CBY2: variants seen among roughly 807,000 people sequenced by gnomAD.
CBY2 encodes the protein protein chibby homolog 2.
Under a neutral mutation model 25.3 loss-of-function variants are expected in CBY2, and 23 were observed. The ratio of observed to expected loss-of-function variants is 0.91; its 90% CI spans 0.65 to 1.29. The LOEUF (loss-of-function observed/expected upper bound fraction) is 1.29. Among genes scored for constraint, CBY2 ranks in the 50% most tolerant of loss-of-function variants. The probability of loss-of-function intolerance (pLI) is 0.00; values close to 1 mark genes in which losing one functional copy is unlikely to be tolerated. For synonymous variants in CBY2, 279 were observed against 260.2 expected (o/e 1.07, Z -0.70); for missense variants, 642 against 590.7 (o/e 1.09, Z -0.90).
chr13:45,712,767 C>T (rs1795246061), intron 2 of CBY2, among the ~76,000 whole-genome samples: 1 of 152,102 alleles, frequency 6.6e-6, no homozygotes, highest in Admixed American at 6.6e-5. Context: ...TATGCTGTGC[C>T]ACATGGAGAA....
chr13:45,713,945 G>A lies in CBY2; in HGVS notation c.920G>A (p.Arg307His), dbSNP rs765472548. The A allele has an allele frequency of 2.6e-6, 4 of 1,532,540 alleles. No individual in the cohort carries two copies. The highest frequency in any genetic ancestry group is 2.0e-5 in the Admixed American group (1 of 49,186). 94.9% of individuals were successfully genotyped at this position (1,532,540 alleles called of 1,614,324 possible). A position where few individuals can be genotyped will look rare whatever the true frequency, so the allele number is the denominator to read the frequency against. The change falls in exon 3 of 3, where the codon CGC (arginine) becomes CAC (histidine). Residue 307 changes from arginine to histidine, a missense_variant. By Grantham distance (29) the Arg-to-His change is conservative. Transcript: ENST00000310521. The surrounding 1 kb of genome is among the most constrained non-coding windows in gnomAD (Gnocchi z 5.0). ...GACCAGGGCTCCGGCCTCTCCTCCC[G>A]CTTCGAGGAGCCCAAAGGGCCTCCG... is the stretch of plus-strand genomic sequence containing the variant. Reference protein sequence around the residue: ...LQDQGSGLSSRFEEPKGPPAR... With the variant: ...LQDQGSGLSSHFEEPKGPPAR...
chr13:45,713,527 C>T lies in CBY2; in HGVS notation c.502C>T (p.Leu168=). 6.2e-7 allele frequency: 1 copy of T among 1,614,206 alleles called. No homozygotes were observed. The highest frequency in any genetic ancestry group is 8.5e-7 in the Non-Finnish European group (1 of 1,180,024). Residue 168 remains leucine (L), a synonymous_variant, in exon 3 of 3, where the codon CTG becomes TTG. Transcript: ENST00000310521. This position sits in a 1 kb window ranked among gnomAD's most constrained non-coding sequence, Gnocchi z 5.0. The part of the protein sequence containing the change: ...HHKRLAKECM[L]QEENKSLREE... ...CAAGAGGCTGGCCAAGGAGTGCATG[C>T]TGCAGGAGGAGAACAAGTCTCTGCG...
At position 45,702,815 on chromosome 13, in the gene CBY2, C is replaced by A. The variant is rs373859173; in HGVS notation, c.116C>A (p.Ser39Tyr). 20 of 1,614,024 alleles carry A rather than the reference C, an allele frequency of 1.2e-5. No individual in the cohort carries two copies. In the African/African-American group the frequency reaches 2.3e-4, roughly 18 times the overall value. ...PNYTRKRDTR[S>Y]ESLEIPISVV... ...TATACAAGAAAAAGAGATACCAGAT[C>A]TGAAAGCCTAGAAATTCCAATCAGT... Residue 39 changes from serine to tyrosine, a missense_variant, in exon 2 of 3, where the codon TCT (serine) becomes TAT (tyrosine). Transcript: ENST00000310521.
In CBY2 at chr13:45,703,119, T is replaced by C. The variant is rs929003642; in HGVS notation, c.156+264T>C. The C allele has an allele frequency of 5.4e-6, 7 of 1,296,084 alleles. No individual in the cohort carries two copies. The East Asian group carries it at 1.3e-4, about 23-fold the overall frequency. The allele number at this position is 1,296,084 out of a possible 1,614,324, so 80.3% of individuals were successfully genotyped here. ...CCAGTCCTAACATTCCAAGTTTCTATGATACACTGAAGTAACCCAGCCTTC... is the reference window on the plus strand; with the variant it reads ...CCAGTCCTAACATTCCAAGTTTCTACGATACACTGAAGTAACCCAGCCTTC... On this transcript the variant is annotated intron_variant, in intron 2 of 2. Coordinates refer to ENST00000310521, the MANE Select transcript of CBY2 (RefSeq NM_152719.3).
At chr13:45,710,645 A>G (rs1236716174) in intron 2 of CBY2, among the ~76,000 whole-genome samples, 1 of 152,222 alleles carries the variant, frequency 6.6e-6, no homozygotes, top group Non-Finnish European at 1.5e-5. Flanking sequence ...AAAATGGTCT[A>G]GGTTATCCAC....
rs763333607 is a variant in CBY2 at position 45,714,200 on chromosome 13, GCT to G, written c.1176_1177del (p.Phe393ProfsTer22). ...CAGGTGCTACGGGCAGAGCACAGGG[GCT>G]TCCAGGAGGAGAACAAGGCCCTGTG... On this transcript the variant is annotated frameshift_variant, in exon 3 of 3. Transcript: ENST00000310521. LOFTEE classifies it high-confidence loss of function. 7.8e-5 allele frequency: 125 copies of G among 1,612,006 alleles called. No homozygotes were observed. In the African/African-American group the frequency reaches 1.5e-3, roughly 20 times the overall value.
chr13:45,711,930 A>C (rs963461068), intron 2 of CBY2, among the ~76,000 whole-genome samples: 8 of 151,978 alleles, frequency 5.3e-5, no homozygotes, highest in Non-Finnish European at 1.2e-4. Flanking sequence ...TATTAGTTAG[A>C]CTCTGCTTTG....
Position 45,714,399 on chromosome 13 carries a change from A to G in CBY2, c.*27A>G. ...GCCTCGGCCTTGCACCGGGACGCCG[A>G]GTTTGGGACACCGAACACTGGGCAA... On this transcript the variant is annotated 3_prime_UTR_variant, in exon 3 of 3. Coordinates refer to ENST00000310521, the MANE Select transcript of CBY2 (RefSeq NM_152719.3). 6.5e-7 allele frequency: 1 copy of G among 1,529,064 alleles called. No homozygotes were observed. The highest frequency in any genetic ancestry group is 1.3e-5 in the South Asian group (1 of 79,868). 94.7% of individuals were successfully genotyped at this position (1,529,064 alleles called of 1,614,324 possible).
At chr13:45,705,295 G>A (rs1010494042) in intron 2 of CBY2, among the ~76,000 whole-genome samples, 22 of 152,178 alleles carry the variant, frequency 1.4e-4, no homozygotes, top group African/African-American at 3.6e-4. Context: ...AGACTTTCGC[G>A]TTTCCCCAAT....
At position 45,713,426 on chromosome 13, in the gene CBY2, G is replaced by T. The variant is rs754097956; in HGVS notation, c.401G>T (p.Arg134Leu). 6 of 1,614,090 alleles carry T rather than the reference G, an allele frequency of 3.7e-6. No individual in the cohort carries two copies. Among genetic ancestry groups the T allele is most frequent in the Non-Finnish European group, 5.1e-6 (6 of 1,180,046 alleles). The change falls in exon 3 of 3, where the codon CGC becomes CTC. Residue 134 changes from arginine to leucine, a missense_variant. Physicochemically the swap from Arg to Leu is moderately radical, Grantham distance 102. Transcript: ENST00000310521. The surrounding 1 kb of genome is among the most constrained non-coding windows in gnomAD (Gnocchi z 5.0). ...GAGATGTTCGTGTTCCAGGACGGGC[G>T]CTGGGTAAATGAGAACTGCCGCCTG... ...SDEMFVFQDG[R>L]WVNENCRLQS...
chr13:45,714,252 G>C lies in CBY2; in HGVS notation c.1227G>C (p.Gln409His), dbSNP rs981911649. 3 of 1,613,046 alleles carry C rather than the reference G, an allele frequency of 1.9e-6. No individual in the cohort carries two copies. In the African/African-American group the frequency reaches 4.0e-5, roughly 22 times the overall value. ...ALWENNKLKL[Q>H]QKLVIDTVTE... The stretch of plus-strand genomic sequence containing the variant: ...GGGAGAACAACAAGCTGAAGCTGCA[G>C]CAGAAGCTGGTCATTGACACCGTGA... Residue 409 changes from glutamine (Q) to histidine (H), a missense_variant, in exon 3 of 3, where the codon CAG becomes CAC. Transcript: ENST00000310521.
intron 2 of CBY2, among the ~76,000 whole-genome samples, chr13:45,710,253 G>A (rs1178868772): frequency 2.0e-5 from 3 of 152,080 alleles, no homozygotes; most frequent in Non-Finnish European, 4.4e-5. Context: ...TGCCAGGCAC[G>A]GTGGCTCATG....
chr13:45,711,450 G>A (rs537408758), intron 2 of CBY2, among the ~76,000 whole-genome samples: 2 of 152,250 alleles, frequency 1.3e-5, no homozygotes, highest in East Asian at 3.9e-4. Context: ...GTCTCAAAGA[G>A]GATAAGAGAG....
At chr13:45,710,419 A>G (rs549418184) in intron 2 of CBY2, among the ~76,000 whole-genome samples, 1 of 152,290 alleles carries the variant, frequency 6.6e-6, no homozygotes, top group South Asian at 2.1e-4. Context: ...GCTACTCTGG[A>G]GGCTGAGGCA....
Position 45,713,487 on chromosome 13 carries a change from C to T in CBY2, c.462C>T (p.His154=), listed in dbSNP as rs560966157. Reference sequence around the variant, plus strand: ...ACTTCTCCCCATCCGCCTCCTTCCACCACAAGCTGCACCACAAGAGGCTGG... The same window carrying T: ...ACTTCTCCCCATCCGCCTCCTTCCATCACAAGCTGCACCACAAGAGGCTGG... ...SPYFSPSASF[H]HKLHHKRLAK... is the part of the protein sequence containing the mutation. Residue 154 remains histidine, a synonymous_variant, in exon 3 of 3, where the codon CAC becomes CAT. Transcript: ENST00000310521. This position sits in a 1 kb window ranked among gnomAD's most constrained non-coding sequence, Gnocchi z 5.0. 6.2e-7 allele frequency: 1 copy of T among 1,614,216 alleles called. No individual in the cohort carries two copies. Among genetic ancestry groups the T allele is most frequent in the East Asian group, 2.2e-5 (1 of 44,878 alleles).
chr13:45,707,864 C>T (rs970631302), intron 2 of CBY2, among the ~76,000 whole-genome samples: 2 of 152,194 alleles, frequency 1.3e-5, no homozygotes, highest in African/African-American at 4.8e-5. Context: ...TAAGATATTA[C>T]ATATGAATAC....
Position 45,714,075 on chromosome 13 carries a change from C to A in CBY2, c.1050C>A (p.Pro350=), listed in dbSNP as rs558946400. The A allele has an allele frequency of 6.6e-7, 1 of 1,525,472 alleles. No homozygotes were observed. The highest frequency in any genetic ancestry group is 1.3e-5 in the South Asian group (1 of 79,686). The allele number at this position is 1,525,472 out of a possible 1,614,324, so 94.5% of individuals were successfully genotyped here. A position where few individuals can be genotyped will look rare whatever the true frequency, so the allele number is the denominator to read the frequency against. The change falls in exon 3 of 3, where the codon CCC becomes CCA. Residue 350 remains proline, a synonymous_variant. Coordinates refer to ENST00000310521, the MANE Select transcript of CBY2 (RefSeq NM_152719.3). Reference sequence around the variant, plus strand: ...AGGCCAAGGTGGGCCCGGGCCTGCCCGACGGCTGCCAGCCCCTGCAGCTGC... The same window carrying A: ...AGGCCAAGGTGGGCCCGGGCCTGCCAGACGGCTGCCAGCCCCTGCAGCTGC... The part of the protein sequence containing the change: ...EEEAKVGPGL[P]DGCQPLQLLR...
At chr13:45,709,183 G>A (rs1017200932) in intron 2 of CBY2, among the ~76,000 whole-genome samples, 4 of 152,206 alleles carry the variant, frequency 2.6e-5, no homozygotes, top group African/African-American at 9.7e-5. Flanking sequence ...GAGTGGATAT[G>A]AGCAAGATCA....
chr13:45,713,737 G>A lies in CBY2; in HGVS notation c.712G>A (p.Val238Met), dbSNP rs376837402. Reference protein sequence around the residue: ...VVKKDHVALQVPRGKEDSTLQ... With the variant: ...VVKKDHVALQMPRGKEDSTLQ... ...GAAGAAGGACCACGTCGCCCTGCAGGTGCCCCGTGGCAAGGAGGACAGCAC... is the reference window on the plus strand; with the variant it reads ...GAAGAAGGACCACGTCGCCCTGCAGATGCCCCGTGGCAAGGAGGACAGCAC... The change falls in exon 3 of 3, where the codon GTG becomes ATG. Residue 238 changes from valine (V) to methionine (M), a missense_variant. Transcript: ENST00000310521. This position sits in a 1 kb window ranked among gnomAD's most constrained non-coding sequence, Gnocchi z 5.0. The A allele has an allele frequency of 1.3e-5, 21 of 1,611,036 alleles. No individual in the cohort carries two copies. The African/African-American group carries it at 2.3e-4, about 17-fold the overall frequency.
Sources: allele counts gnomAD v4.1 joint callset (sites outside exome capture counted in the v4.1 genomes callset), GRCh38; gene constraint gnomAD v4.1.1; non-coding constraint Gnocchi (gnomAD v3.1); transcripts MANE v1.5; gene names NCBI Gene and HGNC (gene_info 2026-07-23, HGNC 2026-07-21).